The following DIS3L2 variants were observed in gnomAD, a reference collection of about 807,000 sequenced individuals.
The protein encoded by DIS3L2 is DIS3-like exonuclease 2.
Under a neutral mutation model 97.5 loss-of-function variants are expected in DIS3L2, and 34 were observed. The observed-to-expected ratio is 0.35, with a 90% CI of 0.27 to 0.46. DIS3L2 has a LOEUF of 0.46. Among genes scored for constraint, DIS3L2 ranks in the 20% least tolerant of loss-of-function variants. The pLI is 1.00. For missense variants in DIS3L2, 1,038 were observed against 1,146.0 expected (o/e 0.91, Z 1.36); for synonymous variants, 435 against 445.2 (o/e 0.98, Z 0.29).
intron 7 of DIS3L2, 31 bp downstream of exon 7, chr2:232,130,750 C>T: frequency 1.9e-6 from 3 of 1,611,006 alleles, no homozygotes; most frequent in Non-Finnish European, 2.5e-6. Context: ...TCCACGTGTC[C>T]AAATGGCTTT....
chr2:232,074,973 T>G (rs1210862756), intron 5 of DIS3L2, among the ~76,000 whole-genome samples: 1 of 152,170 alleles, frequency 6.6e-6, no homozygotes, highest in Admixed American at 6.5e-5. Flanking sequence ...AGTTAGCAGA[T>G]AAACATTCAC....
chr2:232,135,815 G>A (rs1323099349), intron 7 of DIS3L2, among the ~76,000 whole-genome samples: 1 of 152,084 alleles, frequency 6.6e-6, no homozygotes, highest in Non-Finnish European at 1.5e-5. Context: ...GAAGGGATGA[G>A]CCTGCAGACT....
chr2:232,252,110 TAAA>T (rs1275717891), intron 12 of DIS3L2, among the ~76,000 whole-genome samples: 1 of 152,182 alleles, frequency 6.6e-6, no homozygotes, highest in African/African-American at 2.4e-5. Context: ...AGGTCTGTCT[TAAA>T]GAAGATGCTA....
At chr2:232,249,500 C>T (rs567458238) in intron 12 of DIS3L2, among the ~76,000 whole-genome samples, 154 bp downstream of exon 12, 1 of 152,354 alleles carries the variant, frequency 6.6e-6, no homozygotes, top group African/African-American at 2.4e-5. Context: ...AGAGTCCCTG[C>T]CTCGGAAGAG....
chr2:232,092,472 T>C (rs1384692881), intron 6 of DIS3L2, among the ~76,000 whole-genome samples: 2 of 152,272 alleles, frequency 1.3e-5, no homozygotes, highest in East Asian at 3.9e-4. Context: ...GGGACTGCAT[T>C]GAATCTGTAG....
chr2:232,343,105 C>T (rs1233870763), intron 13 of DIS3L2: 4 of 500,424 alleles, frequency 8.0e-6, no homozygotes, highest in African/African-American at 1.9e-5. Flanking sequence ...TGCCGCCTAC[C>T]CTGGGGTCTT....
rs538188509 is a variant in DIS3L2 at position 232,263,324 on chromosome 2, C to G, written c.1543C>G (p.Pro515Ala). 174 of 1,614,098 alleles carry G rather than the reference C, an allele frequency of 1.1e-4. No homozygotes were observed. The highest frequency in any genetic ancestry group is 1.4e-4 in the Non-Finnish European group (170 of 1,180,050). ...TEKIPAKELP[P>A]ISPEHSSEEV... is the part of the protein sequence containing the mutation. ...GAAAATCCCTGCGAAAGAGCTGCCC[C>G]CCATTTCCCCAGAGCATAGCAGCGA... Residue 515 changes from proline (P) to alanine (A), a missense_variant, in exon 13 of 21, where the codon CCC (proline) becomes GCC (alanine). By Grantham distance (27) the Pro-to-Ala change is conservative (BLOSUM62 -1). Coordinates refer to ENST00000325385, the MANE Select transcript of DIS3L2 (RefSeq NM_152383.5).
chr2:232,039,925 C>T (rs1348793203), intron 5 of DIS3L2, among the ~76,000 whole-genome samples: 1 of 152,194 alleles, frequency 6.6e-6, no homozygotes, highest in Non-Finnish European at 1.5e-5. Flanking sequence ...TACCCAGTGG[C>T]TTCTCATCTA....
At chr2:232,167,948 C>G (rs1017217184) in intron 9 of DIS3L2, among the ~76,000 whole-genome samples, 51 of 152,190 alleles carry the variant, frequency 3.4e-4, no homozygotes, top group African/African-American at 1.2e-3. Flanking sequence ...GCTCGGGAGG[C>G]TGAGGCAGGA....
chr2:232,247,056 G>C (rs1361384374), intron 11 of DIS3L2, among the ~76,000 whole-genome samples: 1 of 152,208 alleles, frequency 6.6e-6, no homozygotes, highest in African/African-American at 2.4e-5. Flanking sequence ...TGCATTGTCA[G>C]ATGCTCAGCT....
At chr2:232,079,599 C>CAAAAAAAAAAAAAA (rs760870721) in intron 5 of DIS3L2, among the ~76,000 whole-genome samples, 6 of 29,618 alleles carry the variant, frequency 2.0e-4, no homozygotes, top group East Asian at 8.1e-4. Context: ...GACTCTATCT[C>CAAAAAAAAAAAAAA]AAAAAAAAAA....
At chr2:232,156,968 A>T (rs986583078) in intron 8 of DIS3L2, among the ~76,000 whole-genome samples, 2 of 152,210 alleles carry the variant, frequency 1.3e-5, no homozygotes, top group Non-Finnish European at 2.9e-5. Flanking sequence ...ATATGTTAAT[A>T]AATGGTCATA....
At chr2:232,267,586 G>C (rs566162754) in intron 13 of DIS3L2, among the ~76,000 whole-genome samples, 23 of 152,220 alleles carry the variant, frequency 1.5e-4, no homozygotes, top group African/African-American at 5.3e-4. Flanking sequence ...CCCATAACAG[G>C]GGCCCAGACT....
intron 8 of DIS3L2, among the ~76,000 whole-genome samples, chr2:232,139,027 C>T (rs1173173811): frequency 6.6e-6 from 1 of 152,144 alleles, no homozygotes; most frequent in East Asian, 1.9e-4. Context: ...ACTTAAGGAA[C>T]TTATAGTCTA....
At chr2:232,140,949 C>A (rs1698493903) in intron 8 of DIS3L2, among the ~76,000 whole-genome samples, 1 of 152,158 alleles carries the variant, frequency 6.6e-6, no homozygotes, top group Non-Finnish European at 1.5e-5. Context: ...CCCTTGCTAG[C>A]TTTTAGGGAT....
intron 6 of DIS3L2, among the ~76,000 whole-genome samples, chr2:232,128,960 A>G (rs1003978841): frequency 6.6e-6 from 1 of 152,184 alleles, no homozygotes; most frequent in Non-Finnish European, 1.5e-5. Context: ...ATCCTTCTGA[A>G]TATAGAACCT....
At chr2:232,041,247 G>A (rs1411176384) in intron 5 of DIS3L2, among the ~76,000 whole-genome samples, 3 of 152,122 alleles carry the variant, frequency 2.0e-5, no homozygotes, top group Admixed American at 6.6e-5. Context: ...TGCTGTTCAA[G>A]GCAGAGTCAA....
chr2:232,228,713 G>A lies in DIS3L2; in HGVS notation c.1205-9820G>A, dbSNP rs1574959030. On this transcript the variant is annotated intron_variant, in intron 10 of 20. Transcript: ENST00000325385. ...GTGCTGGGAAGTCAAGAGGTACACA[G>A]GTGGCTGGGGTGGACATAGCATTTT... Among the ~76,000 whole-genome samples, 6 of 152,266 alleles carry A rather than the reference G, an allele frequency of 3.9e-5. No homozygotes were observed. The South Asian group carries it at 1.2e-3, about 32-fold the overall frequency.
intron 5 of DIS3L2, among the ~76,000 whole-genome samples, chr2:232,071,538 A>G (rs577389985): frequency 5.2e-4 from 79 of 152,232 alleles, no homozygotes; most frequent in African/African-American, 1.5e-3. Context: ...AAGAAAAAAA[A>G]AAAAGAAACC....
Sources: gnomAD v4.1 joint callset for allele counts (sites outside exome capture counted in the v4.1 genomes callset) on GRCh38, gnomAD v4.1.1 for gene constraint, MANE v1.5 for transcripts, NCBI Gene and HGNC (gene_info 2026-07-23, HGNC 2026-07-21) for gene names.